METTL25: variants seen among roughly 807,000 people sequenced by gnomAD.
METTL25 encodes probable methyltransferase-like protein 25.
In METTL25, 64 loss-of-function variants were observed where a neutral mutation model predicts 71.6. The observed-to-expected ratio is 0.89, with a 90% CI of 0.73 to 1.10. METTL25 has a LOEUF of 1.10. Among genes scored for constraint, METTL25 ranks in the 50% least tolerant of loss-of-function variants. The pLI, the probability that METTL25 is intolerant of heterozygous loss-of-function variation, is 0.00. For synonymous variants in METTL25, 287 were observed against 250.3 expected (o/e 1.15, Z -1.38); for missense variants, 807 against 707.0 (o/e 1.14, Z -1.60).
In METTL25 at chr12:82,476,400, A is replaced by C. The variant is rs1450616880; in HGVS notation, c.1573-244A>C. 4 of 364,148 alleles carry C rather than the reference A, an allele frequency of 1.1e-5. No individual in the cohort carries two copies. In the East Asian group the frequency reaches 2.0e-4, roughly 18 times the overall value. 22.6% of individuals were successfully genotyped at this position (364,148 alleles called of 1,614,324 possible). ...TTTCCTTCTTAGTTGTTGAAATTAA[A>C]CAATATTAATGGGATGTTGCTGGTG... On this transcript the variant is annotated intron_variant, in intron 9 of 11. Transcript: ENST00000248306.
chr12:82,407,430 C>T (rs1887189407), intron 5 of METTL25, among the ~76,000 whole-genome samples: 1 of 152,132 alleles, frequency 6.6e-6, no homozygotes, highest in African/African-American at 2.4e-5. Flanking sequence ...CAGCTATAAA[C>T]TCTGAATTTC....
intron 1 of METTL25, among the ~76,000 whole-genome samples, chr12:82,371,746 G>A (rs539548882): frequency 3.4e-4 from 52 of 152,288 alleles, no homozygotes; most frequent in Admixed American, 2.7e-3. Flanking sequence ...TGACCCTCAA[G>A]TGAGCCGGGT....
chr12:82,367,208 A>G lies in METTL25; in HGVS notation c.259+8384A>G, dbSNP rs776788197. 2.6e-4 allele frequency among the ~76,000 whole-genome samples: 40 copies of G among 152,254 alleles called. 1 individual carries two copies. Among genetic ancestry groups the G allele is most frequent in the Non-Finnish European group, 4.7e-4 (32 of 67,994 alleles). On this transcript the variant is annotated intron_variant, in intron 1 of 11. Transcript: ENST00000248306. Reference sequence around the variant, plus strand: ...CATTTTTCCTCATTCTACTTATATTATACTGTTTTCCTGTGTTTAGCCAAT... The same window carrying G: ...CATTTTTCCTCATTCTACTTATATTGTACTGTTTTCCTGTGTTTAGCCAAT...
chr12:82,445,661 C>T (rs1890684935), intron 8 of METTL25, among the ~76,000 whole-genome samples: 1 of 152,106 alleles, frequency 6.6e-6, no homozygotes, highest in South Asian at 2.1e-4. Context: ...CATTAGTGAT[C>T]CTGGAAGTGC....
intron 5 of METTL25, among the ~76,000 whole-genome samples, chr12:82,413,831 G>A (rs1188882423): frequency 6.6e-6 from 1 of 151,302 alleles, no homozygotes; most frequent in Non-Finnish European, 1.5e-5. Context: ...CTACTTTCCT[G>A]CTATGATTCT....
intron 5 of METTL25, among the ~76,000 whole-genome samples, chr12:82,427,585 A>C (rs1889134577): frequency 6.6e-6 from 1 of 151,860 alleles, no homozygotes; most frequent in African/African-American, 2.4e-5. Context: ...TCAGTTTTTA[A>C]ATTTTTGTTT....
At chr12:82,434,857 C>T (rs1889801324) in intron 7 of METTL25, 133 bp downstream of exon 7, 11 of 780,460 alleles carry the variant, frequency 1.4e-5, no homozygotes, top group African/African-American at 3.5e-5. Flanking sequence ...CAAATTTGTG[C>T]ATTTTCTGTA....
chr12:82,404,708 C>T (rs556458609), intron 5 of METTL25, among the ~76,000 whole-genome samples: 12 of 152,086 alleles, frequency 7.9e-5, no homozygotes, highest in African/African-American at 1.4e-4. Flanking sequence ...TTTGGGAGGC[C>T]GAGGCAGGCA....
intron 3 of METTL25, among the ~76,000 whole-genome samples, chr12:82,393,608 T>G (rs1230073627): frequency 6.6e-6 from 1 of 152,080 alleles, no homozygotes; most frequent in Non-Finnish European, 1.5e-5. Flanking sequence ...GGATGCCTTT[T>G]ATATCTTTCT....
chr12:82,424,486 GTAAC>G (rs1888824233), intron 5 of METTL25, among the ~76,000 whole-genome samples: 2 of 151,904 alleles, frequency 1.3e-5, no homozygotes, highest in African/African-American at 2.4e-5. Context: ...GTATACATAT[GTAAC>G]TAACCTGCAC....
chr12:82,452,699 C>CAT (rs1891230614), intron 8 of METTL25, among the ~76,000 whole-genome samples: 1 of 152,172 alleles, frequency 6.6e-6, no homozygotes, highest in African/African-American at 2.4e-5. Context: ...AAATTGGTCT[C>CAT]ATATCATGCA....
intron 9 of METTL25, among the ~76,000 whole-genome samples, chr12:82,462,720 A>G (rs908994956): frequency 2.0e-5 from 3 of 152,136 alleles, no homozygotes; most frequent in African/African-American, 7.2e-5. Flanking sequence ...TGAAAAACAC[A>G]TGAATACAGT....
intron 5 of METTL25, among the ~76,000 whole-genome samples, chr12:82,411,659 A>T (rs1010072536): frequency 1.3e-5 from 2 of 152,080 alleles, no homozygotes. Context: ...AAGTAATTTG[A>T]GAATTCAAGG....
Position 82,476,663 on chromosome 12 carries a change from T to C in METTL25, c.1592T>C (p.Met531Thr), listed in dbSNP as rs1417492149. The C allele has an allele frequency of 1.9e-6, 3 of 1,598,542 alleles. 1 individual carries two copies. In the South Asian group the frequency reaches 3.4e-5, roughly 18 times the overall value. ...TTGAAGCTGCCAGAAAAAATTATAA[T>C]GAACTACTACGAGAAGTATAAGCCT... ...DESKLPEKII[M>T]NYYEKYKPRM... Residue 531 changes from methionine to threonine, a missense_variant, in exon 10 of 12, where the codon ATG (methionine) becomes ACG (threonine). Physicochemically the swap from Met to Thr is moderately conservative, Grantham distance 81. Transcript: ENST00000248306.
intron 5 of METTL25, chr12:82,407,875 A>T: frequency 1.0e-6 from 1 of 985,054 alleles, no homozygotes; most frequent in Admixed American, 6.1e-5. Flanking sequence ...GGAAAAGGTA[A>T]CATACTCCCT....
chr12:82,454,927 G>A (rs1439686028), intron 8 of METTL25, among the ~76,000 whole-genome samples: 1 of 151,876 alleles, frequency 6.6e-6, no homozygotes, highest in Non-Finnish European at 1.5e-5. Flanking sequence ...CACCTTATAT[G>A]TGTTACGAAA....
chr12:82,396,864 C>T (rs1022397863), intron 3 of METTL25, among the ~76,000 whole-genome samples: 17 of 152,088 alleles, frequency 1.1e-4, no homozygotes, highest in Non-Finnish European at 2.4e-4. Context: ...CTTTTCATTT[C>T]AGTTCTTCCA....
At chr12:82,370,490 GT>G (rs1420538935) in intron 1 of METTL25, among the ~76,000 whole-genome samples, 3 of 152,114 alleles carry the variant, frequency 2.0e-5, no homozygotes, top group African/African-American at 7.2e-5. Flanking sequence ...TCCCTGACTG[GT>G]TAGTGTAAAA....
Position 82,429,806 on chromosome 12 carries a change from GTAT to G in METTL25, c.1280-1079_1280-1077del, listed in dbSNP as rs1334858420. 4.0e-5 allele frequency among the ~76,000 whole-genome samples: 6 copies of G among 151,408 alleles called. 1 individual carries two copies. Among genetic ancestry groups the G allele is most frequent in the African/African-American group, 1.4e-4 (6 of 41,416 alleles). The stretch of plus-strand genomic sequence containing the variant: ...TGTTTTGCTGTTGAGTTGTTTATTT[GTAT>G]TATTATTTATATTCCTAGGGAGGAT... On this transcript the variant is annotated intron_variant, in intron 5 of 11. Coordinates refer to ENST00000248306, the MANE Select transcript of METTL25 (RefSeq NM_032230.3).
Sources: allele counts gnomAD v4.1 joint callset (sites outside exome capture counted in the v4.1 genomes callset), GRCh38; gene constraint gnomAD v4.1.1; transcripts MANE v1.5; gene names NCBI Gene and HGNC (gene_info 2026-07-23, HGNC 2026-07-21).